CLGN: variants seen among roughly 807,000 people sequenced by gnomAD.
CLGN encodes the protein testis tissue sperm-binding protein Li 79P.
Under a neutral mutation model 79.1 loss-of-function variants are expected in CLGN, and 62 were observed. The observed-to-expected ratio is 0.78, with a 90% CI of 0.64 to 0.97. The LOEUF is 0.97. CLGN is among the 50% of genes least tolerant of loss of function. The pLI is 0.00. For synonymous variants in CLGN, 225 were observed against 224.7 expected (o/e 1.00, Z -0.01); for missense variants, 647 against 715.5 (o/e 0.90, Z 1.09).
At chr4:140,422,023 T>A (rs976392791) in intron 1 of CLGN, among the ~76,000 whole-genome samples, 1 of 152,166 alleles carries the variant, frequency 6.6e-6, no homozygotes, top group African/African-American at 2.4e-5. Context: ...CCCAATATCA[T>A]CTCATGAGAA....
intron 4 of CLGN, among the ~76,000 whole-genome samples, chr4:140,407,218 T>C (rs1729125348): frequency 6.6e-6 from 1 of 152,142 alleles, no homozygotes; most frequent in Non-Finnish European, 1.5e-5. Context: ...TGGTTTTCTT[T>C]CTCTCACATT....
intron 1 of CLGN, among the ~76,000 whole-genome samples, chr4:140,423,205 G>T (rs947095432): frequency 2.0e-5 from 3 of 152,064 alleles, no homozygotes. Flanking sequence ...ATGTTGAGGT[G>T]GTTTCCTTCT....
chr4:140,398,182 T>C (rs1465682388), intron 8 of CLGN, among the ~76,000 whole-genome samples: 1 of 152,120 alleles, frequency 6.6e-6, no homozygotes, highest in South Asian at 2.1e-4. Flanking sequence ...TTTAGTACTT[T>C]GTAAAACAAA....
At chr4:140,396,326 C>A in intron 8 of CLGN, 121 bp from the exon 9 acceptor site, 1 of 835,416 alleles carries the variant, frequency 1.2e-6, no homozygotes, top group Non-Finnish European at 1.9e-6. Flanking sequence ...TATTTGTCCT[C>A]ATCTACTACC....
intron 6 of CLGN, among the ~76,000 whole-genome samples, chr4:140,400,950 C>A (rs749924017): frequency 6.6e-6 from 1 of 152,070 alleles, no homozygotes; most frequent in Non-Finnish European, 1.5e-5. Context: ...ACCCTCTGAG[C>A]ACAAGATGAA....
In CLGN at chr4:140,413,002, ACAT is replaced by A. The variant is rs1729242990; in HGVS notation, c.74_76del (p.Asp25del). The A allele has an allele frequency of 6.2e-7, 1 of 1,613,452 alleles. No individual in the cohort carries two copies. The highest frequency in any genetic ancestry group is 1.7e-5 in the Admixed American group (1 of 59,996). ...ATTTTCTTCAAAGTCTTCCGTCTCA[ACAT>A]CATCATCCATAAATTCTGCATTAAT... On this transcript the variant is annotated inframe_deletion, in exon 2 of 15. Coordinates refer to ENST00000325617, the MANE Select transcript of CLGN (RefSeq NM_004362.3).
At chr4:140,398,464 T>A (rs1398161463) in intron 8 of CLGN, among the ~76,000 whole-genome samples, 1 of 152,010 alleles carries the variant, frequency 6.6e-6, no homozygotes, top group Non-Finnish European at 1.5e-5. Flanking sequence ...AGACGGGGTT[T>A]CGCCATGTTG....
At chr4:140,392,957 T>C (rs944521059) in intron 11 of CLGN, among the ~76,000 whole-genome samples, 1 of 152,086 alleles carries the variant, frequency 6.6e-6, no homozygotes, top group Non-Finnish European at 1.5e-5. Context: ...TCTAACATAC[T>C]GGCAAGAAAA....
At chr4:140,405,369 A>G (rs1420326824) in intron 5 of CLGN, among the ~76,000 whole-genome samples, 2 of 150,034 alleles carry the variant, frequency 1.3e-5, no homozygotes, top group African/African-American at 4.9e-5. Context: ...TATTTTTAGT[A>G]GAGACGGGGT....
chr4:140,395,976 A>G lies in CLGN; in HGVS notation c.999-7T>C. ...TCCATCCGTGTCTTCATTCCTTAGG[A>G]TATTAAAACAAAGCAAATACAGTAA... is the stretch of plus-strand genomic sequence containing the variant. On this transcript the variant is annotated splice_polypyrimidine_tract_variant and splice_region_variant and intron_variant, in intron 9 of 14. Coordinates refer to ENST00000325617, the MANE Select transcript of CLGN (RefSeq NM_004362.3). 1 of 1,597,716 alleles carries G rather than the reference A, an allele frequency of 6.3e-7. No individual in the cohort carries two copies. Among genetic ancestry groups the G allele is most frequent in the South Asian group, 1.1e-5 (1 of 87,200 alleles).
At chr4:140,416,777 A>T (rs1193043316) in intron 1 of CLGN, among the ~76,000 whole-genome samples, 2 of 152,314 alleles carry the variant, frequency 1.3e-5, no homozygotes, top group South Asian at 2.1e-4. Context: ...AGGTACAAGG[A>T]GGAACTGCTA....
chr4:140,425,975 T>C (rs1729560648), intron 1 of CLGN, among the ~76,000 whole-genome samples: 2 of 152,266 alleles, frequency 1.3e-5, no homozygotes, highest in Admixed American at 6.5e-5. Context: ...TTGTACATGC[T>C]ATTTCTTATA....
intron 8 of CLGN, among the ~76,000 whole-genome samples, chr4:140,396,905 A>AAG (rs1728897541): frequency 2.5e-5 from 1 of 39,534 alleles, no homozygotes; most frequent in Non-Finnish European, 6.2e-5. Context: ...ATATATATAT[A>AAG]TGTATATATA....
intron 2 of CLGN, among the ~76,000 whole-genome samples, chr4:140,411,915 A>C (rs1729219408): frequency 6.6e-6 from 1 of 152,132 alleles, no homozygotes; most frequent in Admixed American, 6.5e-5. Flanking sequence ...CATGCTATAA[A>C]ATTAGAAGCA....
chr4:140,413,214 C>G (rs1578604452), intron 1 of CLGN, 127 bp from the exon 2 acceptor site: 2 of 676,440 alleles, frequency 3.0e-6, no homozygotes, highest in East Asian at 5.9e-5. Context: ...AAACAAATCA[C>G]TGACAAAATT....
Position 140,400,491 on chromosome 4 carries a change from T to C in CLGN, c.560A>G (p.Glu187Gly), listed in dbSNP as rs772938327. The C allele has an allele frequency of 1.9e-6, 3 of 1,606,360 alleles. No individual in the cohort carries two copies. Among genetic ancestry groups the C allele is most frequent in the Non-Finnish European group, 2.6e-6 (3 of 1,173,414 alleles). The change falls in exon 7 of 15, where the codon GAA (glutamate) becomes GGA (glycine). Residue 187 changes from glutamate (E) to glycine (G), a missense_variant. Glu to Gly is a moderately conservative substitution (Grantham distance 98). Transcript: ENST00000325617. Reference protein sequence around the residue: ...IIMFGPDKCGEDYKLHFIFRH... With the variant: ...IIMFGPDKCGGDYKLHFIFRH... ...GAAGATAAAATGAAGTTTATAATCT[T>C]CTCCACATTTATCTGGTCCAAACAT...
chr4:140,425,436 GT>G (rs1441632087), intron 1 of CLGN, among the ~76,000 whole-genome samples: 7 of 85,034 alleles, frequency 8.2e-5, no homozygotes, highest in Non-Finnish European at 1.1e-4. Flanking sequence ...TAGGGTGTGT[GT>G]GTGTGTGTGT....
intron 7 of CLGN, 140 bp from the exon 8 acceptor site, chr4:140,399,180 G>T: frequency 3.3e-6 from 2 of 599,828 alleles, no homozygotes; most frequent in South Asian, 4.1e-5. Flanking sequence ...CCAATGTATT[G>T]AACTAAAACA....
At chr4:140,420,209 A>G (rs1252722217) in intron 1 of CLGN, among the ~76,000 whole-genome samples, 3 of 152,188 alleles carry the variant, frequency 2.0e-5, no homozygotes, top group Admixed American at 6.5e-5. Context: ...CCAAGCAGGT[A>G]GTGCTCTATC....
Sources: allele counts gnomAD v4.1 joint callset (sites outside exome capture counted in the v4.1 genomes callset), GRCh38; gene constraint gnomAD v4.1.1; transcripts MANE v1.5; gene names NCBI Gene and HGNC (gene_info 2026-07-23, HGNC 2026-07-21).